The following HERC1 variants were observed in gnomAD, a reference collection of about 807,000 sequenced individuals.
HERC1 encodes HECT and RLD domain containing E3 ubiquitin protein ligase family member 1.
A neutral mutation model predicts 554.3 loss-of-function variants in HERC1; 160 were observed. The ratio of observed to expected loss-of-function variants is 0.29; its 90% CI spans 0.25 to 0.33. The LOEUF (loss-of-function observed/expected upper bound fraction) is 0.33. HERC1 is among the 10% of genes least tolerant of loss of function. The pLI is 1.00. For synonymous variants in HERC1, 2,175 were observed against 2,131.7 expected (o/e 1.02, Z -0.56); for missense variants, 4,919 against 5,918.5 (o/e 0.83, Z 5.54).
At position 63,669,614 on chromosome 15, in the gene HERC1, A is replaced by G; in HGVS notation, c.8130T>C (p.Ser2710=). ...QTPPISSLPT[S]PSDEVGRRQS... ...GCCTCCTTCCTACTTCATCAGAAGGAGAGGTTGGTAACGAAGATATTGGAG... is the reference window on the plus strand; with the variant it reads ...GCCTCCTTCCTACTTCATCAGAAGGGGAGGTTGGTAACGAAGATATTGGAG... Residue 2710 remains serine, a synonymous_variant, in exon 40 of 78, where the codon TCT becomes TCC. Transcript: ENST00000443617. The G allele has an allele frequency of 1.9e-6, 3 of 1,613,884 alleles. No homozygotes were observed. The highest frequency in any genetic ancestry group is 2.5e-6 in the Non-Finnish European group (3 of 1,179,748).
chr15:63,764,337 A>C, intron 2 of HERC1, 146 bp from the exon 3 acceptor site: 1 of 599,292 alleles, frequency 1.7e-6, no homozygotes. Context: ...ACATTAGGTC[A>C]TGAAACTAAC....
At chr15:63,714,768 C>G (rs1310252891) in intron 22 of HERC1, among the ~76,000 whole-genome samples, 1 of 151,750 alleles carries the variant, frequency 6.6e-6, no homozygotes, top group African/African-American at 2.4e-5. Flanking sequence ...AGTCTGGTCT[C>G]GAACTCCTGA....
At position 63,749,953 on chromosome 15, in the gene HERC1, T is replaced by C. The variant is rs553405862; in HGVS notation, c.1903-162A>G. ...TTTTAAAGATTGTTACAGCGATTTA[T>C]CATGCTGCCTTTAGGCATTCACTGT... On this transcript the variant is annotated intron_variant, in intron 8 of 77. Coordinates refer to ENST00000443617, the MANE Select transcript of HERC1 (RefSeq NM_003922.4). The surrounding 1 kb of genome is among the most constrained non-coding windows in gnomAD (Gnocchi z 4.1). Among the ~76,000 whole-genome samples the C allele has an allele frequency of 5.9e-5, 9 of 152,378 alleles. No homozygotes were observed. The highest frequency in any genetic ancestry group is 2.4e-5 in the African/African-American group (1 of 41,594).
intron 12 of HERC1, among the ~76,000 whole-genome samples, chr15:63,738,324 C>T (rs2074635226): frequency 6.6e-6 from 1 of 151,998 alleles, no homozygotes. Context: ...CAATTAAAAG[C>T]AATATGGGAT....
chr15:63,637,277 A>T (rs1339204661), intron 64 of HERC1: 1 of 571,074 alleles, frequency 1.8e-6, no homozygotes, highest in Non-Finnish European at 3.2e-6. Flanking sequence ...TGGGTCTCAA[A>T]AAGTGTTATT....
intron 1 of HERC1, among the ~76,000 whole-genome samples, chr15:63,825,912 G>A (rs2077885673): frequency 1.3e-5 from 2 of 151,676 alleles, no homozygotes; most frequent in Admixed American, 6.6e-5. Flanking sequence ...ACAGGCACCC[G>A]CCACCATGCT....
Position 63,727,179 on chromosome 15 carries a change from G to T in HERC1, c.3346+468C>A, listed in dbSNP as rs368637553. ...TAATCCCAGCTACTCAGGAGGTTGAGCCAGGAGAATCACTTGAACCCGGGA... is the reference window on the plus strand; with the variant it reads ...TAATCCCAGCTACTCAGGAGGTTGATCCAGGAGAATCACTTGAACCCGGGA... On this transcript the variant is annotated intron_variant, in intron 17 of 77. Transcript: ENST00000443617. This position sits in a 1 kb window ranked among gnomAD's most constrained non-coding sequence, Gnocchi z 4.3. Among the ~76,000 whole-genome samples the T allele has an allele frequency of 1.8e-3, 275 of 152,256 alleles. 9 individuals carry two copies. In the South Asian group the frequency reaches 0.054, roughly 30 times the overall value.
Position 63,694,061 on chromosome 15 carries a change from T to C in HERC1, c.5577A>G (p.Leu1859=), listed in dbSNP as rs753336453. Residue 1859 remains leucine (L), a synonymous_variant, in exon 30 of 78, where the codon CTA becomes CTG. Coordinates refer to ENST00000443617, the MANE Select transcript of HERC1 (RefSeq NM_003922.4). The surrounding 1 kb of genome is among the most constrained non-coding windows in gnomAD (Gnocchi z 4.3). ...CCCCTTCTCCGAAAGAGGCCATATG[T>C]AGTACACCAGTTTGGGACAATAAAT... ...LKNLLSQTGV[L]HMASFGEGEQ... 1 of 1,608,172 alleles carries C rather than the reference T, an allele frequency of 6.2e-7. No homozygotes were observed. The highest frequency in any genetic ancestry group is 8.5e-7 in the Non-Finnish European group (1 of 1,177,098).
At position 63,734,396 on chromosome 15, in the gene HERC1, A is replaced by C. The variant is rs576615823; in HGVS notation, c.2646+328T>G. Among the ~76,000 whole-genome samples the C allele has an allele frequency of 2.0e-5, 3 of 152,344 alleles. No homozygotes were observed. Among genetic ancestry groups the C allele is most frequent in the Admixed American group, 1.3e-4 (2 of 15,306 alleles). On this transcript the variant is annotated intron_variant, in intron 13 of 77. Coordinates refer to ENST00000443617, the MANE Select transcript of HERC1 (RefSeq NM_003922.4). The surrounding 1 kb of genome is among the most constrained non-coding windows in gnomAD (Gnocchi z 4.6). ...ACTCTTTATACAAACGATTTCAGAC[A>C]AAGTTCTCAGCATGGAACCAACAGT...
At chr15:63,715,282 TAA>T (rs2140290729) in intron 22 of HERC1, among the ~76,000 whole-genome samples, 1 of 152,350 alleles carries the variant, frequency 6.6e-6, no homozygotes, top group South Asian at 2.1e-4. Context: ...ATAGCTAGTT[TAA>T]AAAGTGTTAG....
At chr15:63,626,473 C>A (rs2068304767) in intron 70 of HERC1, among the ~76,000 whole-genome samples, 1 of 152,108 alleles carries the variant, frequency 6.6e-6, no homozygotes, top group Non-Finnish European at 1.5e-5. Flanking sequence ...AAAATAAAGC[C>A]AAATTTTTCC....
intron 33 of HERC1, among the ~76,000 whole-genome samples, chr15:63,687,216 A>C (rs903471301): frequency 3.9e-5 from 6 of 152,182 alleles, no homozygotes; most frequent in African/African-American, 1.4e-4. Context: ...GAGACTGACT[A>C]ATCAGGATAT....
At chr15:63,741,756 T>C (rs935084590) in intron 12 of HERC1, among the ~76,000 whole-genome samples, 1 of 152,224 alleles carries the variant, frequency 6.6e-6, no homozygotes. Context: ...TCTCATGAAA[T>C]AGTTTTGGCA....
chr15:63,712,651 A>T, intron 24 of HERC1, 124 bp downstream of exon 24: 1 of 712,524 alleles, frequency 1.4e-6, no homozygotes, highest in Non-Finnish European at 2.2e-6. Flanking sequence ...TATTTCTCTT[A>T]AAGTTATTTT....
chr15:63,686,321 A>C (rs1357712212), intron 34 of HERC1, 38 bp downstream of exon 34: 3 of 1,503,382 alleles, frequency 2.0e-6, no homozygotes. Context: ...AAAGGACTAA[A>C]AGACAAAATG....
chr15:63,792,197 A>G (rs904249519), intron 1 of HERC1, among the ~76,000 whole-genome samples: 2 of 152,182 alleles, frequency 1.3e-5, no homozygotes, highest in Non-Finnish European at 2.9e-5. Context: ...CAGGAAATTA[A>G]AGTTCTAATA....
intron 32 of HERC1, 102 bp from the exon 33 acceptor site, chr15:63,689,801 G>A: frequency 3.2e-6 from 2 of 631,546 alleles, no homozygotes; most frequent in Non-Finnish European, 5.4e-6. Context: ...CGCATGCGAA[G>A]TTTGATTATA....
At position 63,734,433 on chromosome 15, in the gene HERC1, T is replaced by TG. The variant is rs2074418045; in HGVS notation, c.2646+290_2646+291insC. 6.6e-6 allele frequency among the ~76,000 whole-genome samples: 1 copy of TG among 152,198 alleles called. No homozygotes were observed. Among genetic ancestry groups the TG allele is most frequent in the Non-Finnish European group, 1.5e-5 (1 of 68,028 alleles). On this transcript the variant is annotated intron_variant, in intron 13 of 77. Transcript: ENST00000443617. This position sits in a 1 kb window ranked among gnomAD's most constrained non-coding sequence, Gnocchi z 4.6. ...ATGGAACCAACAGTAGCACATACAC[T>TG]TGATTTCAACTCAGCATACTACAAA...
intron 40 of HERC1, among the ~76,000 whole-genome samples, chr15:63,667,130 T>C (rs4984310): frequency 0.81 from 123,970 of 152,136 alleles, 52,384 homozygotes; most frequent in Non-Finnish European, 0.88. Context: ...ATAAGCTCAA[T>C]GTTAGTGAAT....
Sources: allele counts gnomAD v4.1 joint callset (sites outside exome capture counted in the v4.1 genomes callset), GRCh38; gene constraint gnomAD v4.1.1; non-coding constraint Gnocchi (gnomAD v3.1); transcripts MANE v1.5; gene names NCBI Gene and HGNC (gene_info 2026-07-23, HGNC 2026-07-21).